Variants in FAR2 observed in about 807,000 individuals in gnomAD.
FAR2 encodes the protein epididymis secretory protein Li 81.
FAR2 carries 19 observed loss-of-function variants against 56.0 expected under a neutral mutation model. That is an observed-to-expected ratio of 0.34 (90% CI 0.24 to 0.50). FAR2 has a LOEUF of 0.50. FAR2 is among the 20% of genes least tolerant of loss of function. The probability of loss-of-function intolerance (pLI) is 0.98; values close to 1 mark genes in which losing one functional copy is unlikely to be tolerated. For missense variants in FAR2, 508 were observed against 642.2 expected, an observed-to-expected ratio of 0.79 and a Z score of 2.26; for synonymous variants, 219 against 218.8, an observed-to-expected ratio of 1.00 and a Z score of -0.01.
intron 8 of FAR2, 147 bp downstream of exon 8, chr12:29,312,097 G>A (rs1002242379): frequency 5.1e-6 from 3 of 585,578 alleles, no homozygotes; most frequent in African/African-American, 3.8e-5. Flanking sequence ...TTGTAAATGT[G>A]TGATAGTTAA....
At chr12:29,320,568 G>A (rs1949534024) in intron 9 of FAR2, among the ~76,000 whole-genome samples, 1 of 152,148 alleles carries the variant, frequency 6.6e-6, no homozygotes, top group South Asian at 2.1e-4. Flanking sequence ...CATAATTACT[G>A]AGCCAACTAT....
At chr12:29,149,571 A>G (rs901783262) in intron 1 of FAR2, among the ~76,000 whole-genome samples, 164 bp downstream of exon 1, 7 of 152,144 alleles carry the variant, frequency 4.6e-5, no homozygotes, top group Non-Finnish European at 7.4e-5. Context: ...GTGGGAGGAG[A>G]GAAGCATTTG....
At chr12:29,311,347 C>T (rs948663005) in intron 7 of FAR2, among the ~76,000 whole-genome samples, 1 of 152,134 alleles carries the variant, frequency 6.6e-6, no homozygotes, top group Non-Finnish European at 1.5e-5. Flanking sequence ...CTTGGCTACT[C>T]ATAAAGTAAT....
At chr12:29,306,725 G>A (rs1949258780) in intron 4 of FAR2, among the ~76,000 whole-genome samples, 1 of 151,764 alleles carries the variant, frequency 6.6e-6, no homozygotes, top group African/African-American at 2.4e-5. Flanking sequence ...TTATCAAGTG[G>A]TTCTGACATA....
intron 3 of FAR2, 24 bp downstream of exon 3, chr12:29,293,499 G>T: frequency 6.7e-7 from 1 of 1,491,434 alleles, no homozygotes; most frequent in Non-Finnish European, 8.9e-7. Flanking sequence ...TCCCTCTCAT[G>T]GCTTGTATAC....
At chr12:29,172,208 C>A (rs185652543) in intron 1 of FAR2, among the ~76,000 whole-genome samples, 2 of 148,394 alleles carry the variant, frequency 1.3e-5, no homozygotes, top group African/African-American at 5.0e-5. Context: ...GCCGCCCCAC[C>A]GTCTGGGAAG....
chr12:29,282,350 G>A (rs1454563058), intron 2 of FAR2: 1 of 152,170 alleles, frequency 6.6e-6, no homozygotes, highest in Non-Finnish European at 1.5e-5. Flanking sequence ...TCTTCTGGTA[G>A]GCATCAGATT....
intron 3 of FAR2, among the ~76,000 whole-genome samples, chr12:29,294,455 C>T (rs1043146183): frequency 2.0e-5 from 3 of 152,006 alleles, no homozygotes; most frequent in Non-Finnish European, 4.4e-5. Context: ...TCAAGCGATT[C>T]TCCTGCCTCA....
At chr12:29,246,223 T>C (rs1249121832) in intron 1 of FAR2, among the ~76,000 whole-genome samples, 1 of 152,166 alleles carries the variant, frequency 6.6e-6, no homozygotes, top group Non-Finnish European at 1.5e-5. Context: ...TATCTGTGCA[T>C]GCATTTGCAC....
chr12:29,311,666 T>TCACACACACACACACACACA (rs61236613), intron 7 of FAR2, among the ~76,000 whole-genome samples: 14 of 147,426 alleles, frequency 9.5e-5, no homozygotes, highest in African/African-American at 3.0e-4. Flanking sequence ...AACATCTCTT[T>TCACACACACACACACACACA]CACACACACA....
At chr12:29,225,094 G>C (rs980291949) in intron 1 of FAR2, among the ~76,000 whole-genome samples, 1 of 152,068 alleles carries the variant, frequency 6.6e-6, no homozygotes, top group Non-Finnish European at 1.5e-5. Flanking sequence ...GAATTAGCCA[G>C]GTGTGGTGGT....
At chr12:29,190,584 C>T (rs892320836) in intron 1 of FAR2, among the ~76,000 whole-genome samples, 1 of 152,138 alleles carries the variant, frequency 6.6e-6, no homozygotes, top group African/African-American at 2.4e-5. Context: ...CCTGCCTCAG[C>T]CTCCTGAGTA....
At chr12:29,252,954 T>G (rs1411579125) in intron 1 of FAR2, among the ~76,000 whole-genome samples, 1 of 152,122 alleles carries the variant, frequency 6.6e-6, no homozygotes, top group Non-Finnish European at 1.5e-5. Flanking sequence ...AGGTTACCCT[T>G]CATTATGTGG....
intron 1 of FAR2, among the ~76,000 whole-genome samples, chr12:29,160,690 G>A (rs192722466): frequency 1.5e-3 from 229 of 152,308 alleles, no homozygotes; most frequent in African/African-American, 5.4e-3. Context: ...GCTTCTGAGA[G>A]CTGTGAGGGA....
At chr12:29,311,353 G>T (rs1341440857) in intron 7 of FAR2, among the ~76,000 whole-genome samples, 1 of 152,124 alleles carries the variant, frequency 6.6e-6, no homozygotes, top group Non-Finnish European at 1.5e-5. Context: ...TACTCATAAA[G>T]TAATAAAACC....
chr12:29,290,700 C>CA (rs1407815498), intron 2 of FAR2, among the ~76,000 whole-genome samples: 1 of 152,148 alleles, frequency 6.6e-6, no homozygotes, highest in Admixed American at 6.5e-5. Flanking sequence ...TCATTTGCAA[C>CA]AACATGGATG....
At chr12:29,291,528 A>G (rs1245050909) in intron 2 of FAR2, 3 of 445,740 alleles carry the variant, frequency 6.7e-6, no homozygotes, top group Non-Finnish European at 1.4e-5. Flanking sequence ...AGAAATTCTC[A>G]TCATTTGCAT....
intron 8 of FAR2, 130 bp downstream of exon 8, chr12:29,312,080 T>G: frequency 1.6e-6 from 1 of 609,516 alleles, no homozygotes; most frequent in Non-Finnish European, 2.8e-6. Context: ...GACAAAATAA[T>G]GAGAAATTGT....
chr12:29,284,653 G>A (rs1948840551), intron 2 of FAR2, among the ~76,000 whole-genome samples: 1 of 152,146 alleles, frequency 6.6e-6, no homozygotes, highest in African/African-American at 2.4e-5. Flanking sequence ...CTAGTTTATT[G>A]AATCCTTTTG....
Sources: allele counts gnomAD v4.1 joint callset (sites outside exome capture counted in the v4.1 genomes callset), GRCh38; gene constraint gnomAD v4.1.1; transcripts MANE v1.5; gene names NCBI Gene and HGNC (gene_info 2026-07-23, HGNC 2026-07-21).